The following EVI5 variants were observed in gnomAD, a reference collection of about 807,000 sequenced individuals.
The protein encoded by EVI5 is ecotropic viral integration site 5 protein homolog.
EVI5 carries 73 observed loss-of-function variants against 112.0 expected under a neutral mutation model. The ratio of observed to expected loss-of-function variants is 0.65; its 90% CI spans 0.54 to 0.79. EVI5 has a LOEUF of 0.79. EVI5 is among the 30% of genes least tolerant of loss of function. The pLI is 0.00. For missense variants in EVI5, 900 were observed against 968.8 expected (o/e 0.93, Z 0.94); for synonymous variants, 305 against 319.9 (o/e 0.95, Z 0.50).
At chr1:92,679,125 T>G (rs955772171) in intron 9 of EVI5, among the ~76,000 whole-genome samples, 14 of 152,006 alleles carry the variant, frequency 9.2e-5, no homozygotes, top group Non-Finnish European at 1.6e-4. Flanking sequence ...CTCAAAGGAG[T>G]GCAAACCCTA....
intron 13 of EVI5, among the ~76,000 whole-genome samples, chr1:92,648,023 G>C (rs1335867163): frequency 6.9e-6 from 1 of 144,496 alleles, no homozygotes; most frequent in Non-Finnish European, 1.5e-5. Context: ...GGGATTACAG[G>C]CATGAGCCAC....
intron 1 of EVI5, among the ~76,000 whole-genome samples, chr1:92,736,980 T>C (rs1024721076): frequency 2.0e-5 from 3 of 152,198 alleles, no homozygotes; most frequent in Admixed American, 6.5e-5. Context: ...TGTATGTATG[T>C]ATATGGGTGT....
chr1:92,744,233 G>A (rs866351294), intron 1 of EVI5, among the ~76,000 whole-genome samples: 2 of 152,150 alleles, frequency 1.3e-5, no homozygotes, highest in Non-Finnish European at 2.9e-5. Context: ...CCAGAATGTG[G>A]TTAATCTTGG....
Position 92,695,314 on chromosome 1 carries a change from G to C in EVI5, c.905C>G (p.Ser302Cys). The stretch of plus-strand genomic sequence containing the variant: ...TTTGTCTGCCCATTAGCTTACCTCA[G>C]ACATAAAGATATCAAATATCCTTGT... ...IATRIFDIFM[S>C]EGLEIVFRVG... is the part of the protein sequence containing the mutation. The change falls in exon 7 of 20, where the codon TCT becomes TGT. Residue 302 changes from serine to cysteine, a missense_variant. Coordinates refer to ENST00000684568, the MANE Select transcript of EVI5 (RefSeq NM_001350197.2). 2 of 1,608,808 alleles carry C rather than the reference G, an allele frequency of 1.2e-6. No individual in the cohort carries two copies. The highest frequency in any genetic ancestry group is 1.7e-6 in the Non-Finnish European group (2 of 1,177,360).
intron 19 of EVI5, among the ~76,000 whole-genome samples, chr1:92,563,031 G>A (rs748325958): frequency 2.6e-5 from 4 of 152,046 alleles, no homozygotes; most frequent in Non-Finnish European, 4.4e-5. Context: ...TTGACCTCGA[G>A]CCACATTAAC....
At chr1:92,555,100 C>T (rs1435929020) in intron 19 of EVI5, among the ~76,000 whole-genome samples, 3 of 152,166 alleles carry the variant, frequency 2.0e-5, no homozygotes, top group Non-Finnish European at 4.4e-5. Context: ...ATGGCAAATA[C>T]AATCTTTCAT....
chr1:92,533,610 A>C (rs767461733), intron 19 of EVI5, among the ~76,000 whole-genome samples: 5 of 152,196 alleles, frequency 3.3e-5, no homozygotes, highest in Admixed American at 6.5e-5. Flanking sequence ...CATCCCAGGG[A>C]TGCAAGGCTG....
intron 10 of EVI5, among the ~76,000 whole-genome samples, chr1:92,672,005 A>G (rs1265152421): frequency 6.6e-6 from 1 of 151,768 alleles, no homozygotes; most frequent in Non-Finnish European, 1.5e-5. Flanking sequence ...GGGGCCCACT[A>G]TGTTGCCCAG....
intron 16 of EVI5, chr1:92,622,381 T>C (rs562048720): frequency 3.5e-4 from 147 of 416,198 alleles, no homozygotes; most frequent in Non-Finnish European, 6.2e-4. Context: ...ACAAAAACGG[T>C]AAGAACCTTT....
At chr1:92,606,320 T>A (rs1650371987) in intron 17 of EVI5, among the ~76,000 whole-genome samples, 1 of 152,290 alleles carries the variant, frequency 6.6e-6, no homozygotes, top group Middle Eastern at 3.4e-3. Flanking sequence ...AGGAGCAATA[T>A]TTAATCTAGT....
intron 1 of EVI5, among the ~76,000 whole-genome samples, chr1:92,775,511 A>C (rs1311738171): frequency 6.6e-6 from 1 of 152,140 alleles, no homozygotes; most frequent in African/African-American, 2.4e-5. Context: ...CACAAGTACC[A>C]CTGTGTTACA....
intron 1 of EVI5, among the ~76,000 whole-genome samples, chr1:92,750,030 T>C (rs756453715): frequency 6.6e-6 from 1 of 152,216 alleles, no homozygotes; most frequent in Non-Finnish European, 1.5e-5. Flanking sequence ...CCACAAGCAC[T>C]TCAACTATTG....
intron 18 of EVI5, among the ~76,000 whole-genome samples, chr1:92,582,126 G>A (rs1462047116): frequency 6.6e-6 from 1 of 152,102 alleles, no homozygotes; most frequent in Non-Finnish European, 1.5e-5. Flanking sequence ...ACTGTTCCTG[G>A]GCTACAAATA....
intron 16 of EVI5, among the ~76,000 whole-genome samples, chr1:92,618,539 G>A (rs1653754664): frequency 6.6e-6 from 1 of 152,108 alleles, no homozygotes; most frequent in South Asian, 2.1e-4. Flanking sequence ...ATCCATCAGG[G>A]CATCTTAGTA....
In EVI5 at chr1:92,630,989, G is replaced by C. The variant is rs187001073; in HGVS notation, c.1528-5055C>G. 9.0e-3 allele frequency among the ~76,000 whole-genome samples: 1,367 copies of C among 152,128 alleles called. 9 individuals are homozygous for C. The highest frequency in any genetic ancestry group is 0.014 in the Non-Finnish European group (921 of 67,978). On this transcript the variant is annotated intron_variant, in intron 14 of 19. Transcript: ENST00000684568. ...AGATCAGATAGTTGTAGATATGTGGGATTATTTCTGAGGGCTGTTCCATTG... is the reference window on the plus strand; with the variant it reads ...AGATCAGATAGTTGTAGATATGTGGCATTATTTCTGAGGGCTGTTCCATTG...
intron 16 of EVI5, among the ~76,000 whole-genome samples, chr1:92,621,604 G>A (rs1474375561): frequency 2.0e-5 from 3 of 152,116 alleles, no homozygotes; most frequent in Admixed American, 2.0e-4. Flanking sequence ...GTGAGCTACT[G>A]CACCCAGCCA....
intron 18 of EVI5, among the ~76,000 whole-genome samples, chr1:92,588,246 C>A (rs1174844387): frequency 6.6e-6 from 1 of 152,180 alleles, no homozygotes; most frequent in African/African-American, 2.4e-5. Context: ...CTCCCATGCT[C>A]AAAACCCTCC....
At chr1:92,716,594 C>T (rs989409571) in intron 2 of EVI5, among the ~76,000 whole-genome samples, 7 of 151,642 alleles carry the variant, frequency 4.6e-5, no homozygotes, top group African/African-American at 9.7e-5. Flanking sequence ...TCGCCAGCAA[C>T]GGAACAAAGC....
chr1:92,576,619 T>C (rs984241468), intron 18 of EVI5, among the ~76,000 whole-genome samples: 1 of 152,198 alleles, frequency 6.6e-6, no homozygotes, highest in African/African-American at 2.4e-5. Context: ...GCAGCATTCC[T>C]ACTAGAATGT....
Sources: allele counts gnomAD v4.1 joint callset (sites outside exome capture counted in the v4.1 genomes callset), GRCh38; gene constraint gnomAD v4.1.1; transcripts MANE v1.5; gene names NCBI Gene and HGNC (gene_info 2026-07-23, HGNC 2026-07-21).